CCSER1: variants seen among roughly 807,000 people sequenced by gnomAD.
CCSER1 encodes coiled-coil serine rich protein 1.
Under a neutral mutation model 82.0 loss-of-function variants are expected in CCSER1, and 41 were observed. That is an observed-to-expected ratio of 0.50 (90% confidence interval 0.39 to 0.65). The LOEUF (loss-of-function observed/expected upper bound fraction) is 0.65. CCSER1 is among the 30% of genes least tolerant of loss of function. The pLI, the probability that CCSER1 is intolerant of heterozygous loss-of-function variation, is 0.00. For missense variants in CCSER1, 1,119 were observed against 1,064.2 expected, an observed-to-expected ratio of 1.05 and a Z score of -0.72; for synonymous variants, 414 against 383.9, an observed-to-expected ratio of 1.08 and a Z score of -0.92.
At chr4:90,710,375 T>C (rs1323373163) in intron 6 of CCSER1, among the ~76,000 whole-genome samples, 2 of 152,176 alleles carry the variant, frequency 1.3e-5, no homozygotes, top group African/African-American at 4.8e-5. Flanking sequence ...TGAAATTGCT[T>C]TTGGTATTTT....
chr4:90,493,108 G>A (rs771069000), intron 5 of CCSER1, among the ~76,000 whole-genome samples: 5 of 152,106 alleles, frequency 3.3e-5, no homozygotes, highest in Admixed American at 6.6e-5. Flanking sequence ...CGAGAACTAC[G>A]TGATGAATGC....
intron 3 of CCSER1, among the ~76,000 whole-genome samples, chr4:90,327,106 A>G (rs1738363920): frequency 6.6e-6 from 1 of 152,176 alleles, no homozygotes; most frequent in Non-Finnish European, 1.5e-5. Flanking sequence ...CTACCAGGTC[A>G]TCTGCTTTCT....
intron 1 of CCSER1, among the ~76,000 whole-genome samples, chr4:90,273,698 G>A (rs758108131): frequency 2.0e-5 from 3 of 152,022 alleles, no homozygotes; most frequent in Non-Finnish European, 4.4e-5. Flanking sequence ...CACATTCTGA[G>A]GTCAATCTCA....
intron 9 of CCSER1, among the ~76,000 whole-genome samples, chr4:91,081,211 C>A (rs59556104): frequency 0.3 from 45,582 of 151,944 alleles, 7,949 homozygotes; most frequent in East Asian, 0.45. Flanking sequence ...TTATCCACCA[C>A]GATCAAGTTG....
At chr4:91,333,638 A>G (rs1398999922) in intron 10 of CCSER1, among the ~76,000 whole-genome samples, 1 of 152,088 alleles carries the variant, frequency 6.6e-6, no homozygotes, top group Non-Finnish European at 1.5e-5. Flanking sequence ...GTAATATACA[A>G]TCACAAATCA....
At chr4:90,805,469 T>A (rs1193039736) in intron 7 of CCSER1, among the ~76,000 whole-genome samples, 1 of 152,192 alleles carries the variant, frequency 6.6e-6, no homozygotes, top group Admixed American at 6.5e-5. Context: ...GCATTATAAC[T>A]GACCATGATG....
At chr4:91,554,218 A>T (rs967457033) in intron 10 of CCSER1, among the ~76,000 whole-genome samples, 7 of 151,320 alleles carry the variant, frequency 4.6e-5, no homozygotes, top group African/African-American at 1.7e-4. Flanking sequence ...TTGATTTCTA[A>T]TTTCATATCA....
Position 90,561,198 on chromosome 4 carries a change from C to T in CCSER1, c.1725-66827C>T, listed in dbSNP as rs548303026. Among the ~76,000 whole-genome samples, 47 of 152,246 alleles carry T rather than the reference C, an allele frequency of 3.1e-4. 1 individual carries two copies. In the South Asian group the frequency reaches 8.9e-3, roughly 29 times the overall value. On this transcript the variant is annotated intron_variant, in intron 5 of 10. Transcript: ENST00000509176. ...AAGCACCTCTCATTTTCCATTGATC[C>T]TTTTCTATCTCCTGCCTCAACACCA...
At chr4:90,371,440 T>A (rs184908137) in intron 3 of CCSER1, among the ~76,000 whole-genome samples, 1 of 152,206 alleles carries the variant, frequency 6.6e-6, no homozygotes, top group East Asian at 1.9e-4. Flanking sequence ...ACATTTTACA[T>A]AACTTGAAAT....
rs70965483 is a variant in CCSER1 at position 91,306,059 on chromosome 4, TTGTG to T, written c.2217+220099_2217+220102del. ...ACACAACCAAACCATATCAGTGTGT[TTGTG>T]TGTGTGTGTGTGTGTGTGTGTGTGT... is the stretch of plus-strand genomic sequence containing the variant. On this transcript the variant is annotated intron_variant, in intron 10 of 10. Transcript: ENST00000509176. Among the ~76,000 whole-genome samples, 524 of 139,614 alleles carry T rather than the reference TTGTG, an allele frequency of 3.8e-3. 1 individual carries two copies. Among genetic ancestry groups the T allele is most frequent in the African/African-American group, 7.6e-3 (290 of 37,990 alleles). The allele number at this position is 139,614 out of a possible 152,430, so 91.6% of individuals were successfully genotyped here.
intron 6 of CCSER1, among the ~76,000 whole-genome samples, chr4:90,721,848 G>A (rs949685207): frequency 1.3e-5 from 2 of 150,932 alleles, no homozygotes; most frequent in African/African-American, 4.9e-5. Flanking sequence ...CAGTTTATCA[G>A]CTGTTGTCAT....
intron 7 of CCSER1, among the ~76,000 whole-genome samples, chr4:90,738,411 T>A (rs542388860): frequency 6.6e-6 from 1 of 152,058 alleles, no homozygotes; most frequent in South Asian, 2.1e-4. Flanking sequence ...TCAGGCGAAT[T>A]TTTTTTTGCT....
At chr4:91,355,853 T>G (rs1748793244) in intron 10 of CCSER1, among the ~76,000 whole-genome samples, 1 of 152,156 alleles carries the variant, frequency 6.6e-6, no homozygotes, top group African/African-American at 2.4e-5. Flanking sequence ...AAACAGAGTC[T>G]AACACCTCTA....
chr4:90,405,563 G>C (rs1035249054), intron 4 of CCSER1, among the ~76,000 whole-genome samples: 2 of 152,072 alleles, frequency 1.3e-5, no homozygotes, highest in African/African-American at 4.8e-5. Flanking sequence ...ACAGTCATCA[G>C]GTTACCTAAA....
intron 5 of CCSER1, among the ~76,000 whole-genome samples, chr4:90,544,821 GA>G (rs1322828492): frequency 6.6e-6 from 1 of 152,018 alleles, no homozygotes; most frequent in East Asian, 1.9e-4. Context: ...AAAAGCCAAG[GA>G]AAAAGACAAG....
intron 6 of CCSER1, among the ~76,000 whole-genome samples, chr4:90,636,494 C>G (rs578042096): frequency 1.3e-5 from 2 of 151,780 alleles, no homozygotes; most frequent in South Asian, 2.1e-4. Context: ...TTAGTAAATA[C>G]GTGTAGCAAT....
intron 7 of CCSER1, among the ~76,000 whole-genome samples, chr4:90,799,951 G>A (rs1420767981): frequency 6.6e-6 from 1 of 152,142 alleles, no homozygotes; most frequent in East Asian, 1.9e-4. Context: ...GGAGCCACTG[G>A]GGGCCAGGAA....
Position 90,407,368 on chromosome 4 carries a change from T to A in CCSER1, c.1603+7239T>A, listed in dbSNP as rs1317640457. On this transcript the variant is annotated intron_variant, in intron 4 of 10. Coordinates refer to ENST00000509176, the MANE Select transcript of CCSER1 (RefSeq NM_001145065.2). ...AAGCTTGAAATGATAATTTAAAAAC[T>A]GTCAACAAAAAAAGTTTAGGACCAG... 2.0e-5 allele frequency among the ~76,000 whole-genome samples: 3 copies of A among 152,310 alleles called. No homozygotes were observed. In the East Asian group the frequency reaches 5.8e-4, roughly 29 times the overall value.
At chr4:91,578,781 T>TATTG (rs1454814128) in intron 10 of CCSER1, among the ~76,000 whole-genome samples, 6 of 151,974 alleles carry the variant, frequency 3.9e-5, no homozygotes, top group African/African-American at 1.4e-4. Context: ...GTATTAACAA[T>TATTG]ATTGATTATT....
Sources: gnomAD v4.1 joint callset for allele counts (sites outside exome capture counted in the v4.1 genomes callset) on GRCh38, gnomAD v4.1.1 for gene constraint, MANE v1.5 for transcripts, NCBI Gene and HGNC (gene_info 2026-07-23, HGNC 2026-07-21) for gene names.